Variants in CAPZB observed in about 807,000 individuals in gnomAD.
CAPZB encodes F-actin-capping protein subunit beta.
Under a neutral mutation model 38.1 loss-of-function variants are expected in CAPZB, and 2 were observed. That is an observed-to-expected ratio of 0.05 (90% CI 0.02 to 0.17). The LOEUF is 0.17. CAPZB is among the 10% of genes least tolerant of loss of function. CAPZB has a pLI of 1.00. For synonymous variants in CAPZB, 107 were observed against 127.4 expected, an observed-to-expected ratio of 0.84 and a Z score of 1.08; for missense variants, 161 against 334.2, an observed-to-expected ratio of 0.48 and a Z score of 4.04.
At chr1:19,440,679 G>T (rs2094472959) in intron 1 of CAPZB, among the ~76,000 whole-genome samples, 1 of 152,168 alleles carries the variant, frequency 6.6e-6, no homozygotes, top group Non-Finnish European at 1.5e-5. Flanking sequence ...TTAGTGTCTG[G>T]ATAGGCATCC....
intron 1 of CAPZB, among the ~76,000 whole-genome samples, chr1:19,453,437 T>C (rs1311565548): frequency 6.6e-6 from 1 of 151,638 alleles, no homozygotes; most frequent in African/African-American, 2.4e-5. Flanking sequence ...ATTTTTGTAT[T>C]TTTAGTAGAG....
chr1:19,443,186 G>A (rs913596312), intron 1 of CAPZB, among the ~76,000 whole-genome samples: 8 of 151,010 alleles, frequency 5.3e-5, no homozygotes, highest in African/African-American at 1.9e-4. Flanking sequence ...CAGGACTTCC[G>A]AGACCAGCCT....
At position 19,378,604 on chromosome 1, in the gene CAPZB, G is replaced by A. The variant is rs779361762; in HGVS notation, c.265C>T (p.Pro89Ser). 1 of 1,613,468 alleles carries A rather than the reference G, an allele frequency of 6.2e-7. No homozygotes were observed. ...YDPPLEDGAM[P>S]SARLRKLEVE... ...TCCAGCTTTCTCAGCCGAGCTGACG[G>A]CATGGCCCCATCCTCCAAGGGAGGG... Residue 89 changes from proline to serine, a missense_variant, in exon 4 of 9, where the codon CCG becomes TCG. By Grantham distance (74) the Pro-to-Ser change is moderately conservative. Coordinates refer to ENST00000264202, the MANE Select transcript of CAPZB (RefSeq NM_004930.5).
chr1:19,464,122 G>A (rs1359171865), intron 1 of CAPZB, among the ~76,000 whole-genome samples: 2 of 151,674 alleles, frequency 1.3e-5, no homozygotes. Flanking sequence ...GGGAGACAGA[G>A]GTTGTAGTGA....
chr1:19,446,598 C>A (rs1033983721), intron 1 of CAPZB, among the ~76,000 whole-genome samples: 1 of 150,226 alleles, frequency 6.7e-6, no homozygotes, highest in Non-Finnish European at 1.5e-5. Flanking sequence ...AACAAAGATG[C>A]CCACTGCTCT....
intron 1 of CAPZB, among the ~76,000 whole-genome samples, chr1:19,458,936 G>C (rs941524292): frequency 1.3e-5 from 2 of 152,210 alleles, no homozygotes; most frequent in Non-Finnish European, 2.9e-5. Flanking sequence ...TAGGTGGAGA[G>C]GGCACCTCCA....
At chr1:19,378,893 A>C (rs2094157625) in intron 3 of CAPZB, among the ~76,000 whole-genome samples, 1 of 152,166 alleles carries the variant, frequency 6.6e-6, no homozygotes, top group African/African-American at 2.4e-5. Context: ...GTGAATGCTC[A>C]GCAAGTGTCC....
chr1:19,447,164 G>A (rs2094498885), intron 1 of CAPZB, among the ~76,000 whole-genome samples: 1 of 151,818 alleles, frequency 6.6e-6, no homozygotes, highest in African/African-American at 2.4e-5. Context: ...TCCTTCTGCA[G>A]AGAAGGATTT....
chr1:19,431,308 A>C (rs1038170460), intron 1 of CAPZB, among the ~76,000 whole-genome samples: 33 of 152,202 alleles, frequency 2.2e-4, no homozygotes, highest in African/African-American at 7.0e-4. Flanking sequence ...TCAAAATCTG[A>C]AAAGAATCCA....
intron 4 of CAPZB, among the ~76,000 whole-genome samples, chr1:19,373,198 T>G (rs546727517): frequency 6.4e-4 from 98 of 152,204 alleles, no homozygotes; most frequent in African/African-American, 2.3e-3. Flanking sequence ...CAGGAGCTAG[T>G]GGACTTCAGA....
chr1:19,468,933 C>G (rs1431879126), intron 1 of CAPZB, among the ~76,000 whole-genome samples: 1 of 152,198 alleles, frequency 6.6e-6, no homozygotes, highest in African/African-American at 2.4e-5. Context: ...CAATGTACGG[C>G]TGCACTCAGA....
chr1:19,338,961 G>GCCC lies in CAPZB; in HGVS notation c.*568_*569insGGG, dbSNP rs1375213240. On this transcript the variant is annotated 3_prime_UTR_variant, in exon 9 of 9. Transcript: ENST00000264202. ...GGCCGGAAGAGCGGAACGGTCGGCG[G>GCCC]CACCCCCCCCAGCCCCCACCCCGCG... is the stretch of plus-strand genomic sequence containing the variant. 4 of 149,180 alleles carry GCCC rather than the reference G, an allele frequency of 2.7e-5. No individual in the cohort carries two copies. The highest frequency in any genetic ancestry group is 9.8e-5 in the African/African-American group (4 of 40,634). 9.2% of individuals were successfully genotyped at this position (149,180 alleles called of 1,614,324 possible). A position where few individuals can be genotyped will look rare whatever the true frequency, so the allele number is the denominator to read the frequency against.
chr1:19,404,237 A>C (rs2094318712), intron 2 of CAPZB, among the ~76,000 whole-genome samples: 1 of 72,440 alleles, frequency 1.4e-5, no homozygotes, highest in Non-Finnish European at 3.1e-5. Flanking sequence ...CATCTCAAAA[A>C]AAAAAAAAAA....
chr1:19,348,353 G>GT (rs1454043370), intron 6 of CAPZB, among the ~76,000 whole-genome samples: 4 of 152,036 alleles, frequency 2.6e-5, no homozygotes, highest in Non-Finnish European at 5.9e-5. Flanking sequence ...CCACACAGCT[G>GT]TAACTACAGG....
chr1:19,355,070 AGAG>A (rs1231397100), intron 6 of CAPZB, among the ~76,000 whole-genome samples: 1 of 152,214 alleles, frequency 6.6e-6, no homozygotes. Context: ...CTGACACAGG[AGAG>A]GCAGTGGAGC....
At chr1:19,366,287 T>TAA (rs2094086109) in intron 4 of CAPZB, among the ~76,000 whole-genome samples, 1 of 59,686 alleles carries the variant, frequency 1.7e-5, no homozygotes, top group African/African-American at 5.8e-5. Flanking sequence ...TCTTAAAATA[T>TAA]ATATATATAT....
rs1010844132 is a variant in CAPZB at position 19,357,279 on chromosome 1, A to T, written c.471+143T>A. On this transcript the variant is annotated intron_variant, in intron 5 of 8. Coordinates refer to ENST00000264202, the MANE Select transcript of CAPZB (RefSeq NM_004930.5). The surrounding 1 kb of genome is among the most constrained non-coding windows in gnomAD (Gnocchi z 4.3). Reference sequence around the variant, plus strand: ...GACTACTGCAGACTTATCTTTATCCAAATGGCTTTGAGGCATTTCTCAGAA... The same window carrying T: ...GACTACTGCAGACTTATCTTTATCCTAATGGCTTTGAGGCATTTCTCAGAA... 1.4e-6 allele frequency: 1 copy of T among 706,132 alleles called. No individual in the cohort carries two copies. Among genetic ancestry groups the T allele is most frequent in the Non-Finnish European group, 2.4e-6 (1 of 409,768 alleles). The allele number at this position is 706,132 out of a possible 1,614,324, so 43.7% of individuals were successfully genotyped here. A position where few individuals can be genotyped will look rare whatever the true frequency, so the allele number is the denominator to read the frequency against.
chr1:19,431,614 G>A (rs909500697), intron 1 of CAPZB, among the ~76,000 whole-genome samples: 1 of 152,118 alleles, frequency 6.6e-6, no homozygotes, highest in African/African-American at 2.4e-5. Flanking sequence ...CCAGCTACTT[G>A]GGAGGCTGAG....
At chr1:19,396,960 A>T (rs191280152) in intron 2 of CAPZB, among the ~76,000 whole-genome samples, 25 of 147,004 alleles carry the variant, frequency 1.7e-4, no homozygotes, top group South Asian at 4.3e-4. Context: ...TCAAAAAATT[A>T]AAAAAAAAAA....
Sources: gnomAD v4.1 joint callset for allele counts (sites outside exome capture counted in the v4.1 genomes callset) on GRCh38, gnomAD v4.1.1 for gene constraint, Gnocchi (gnomAD v3.1) non-coding constraint, MANE v1.5 for transcripts, NCBI Gene and HGNC (gene_info 2026-07-23, HGNC 2026-07-21) for gene names.